TRIM5: variants seen among roughly 807,000 people sequenced by gnomAD.
The protein encoded by TRIM5 is tripartite motif containing 5, also known as tripartite motif-containing protein 5.
A neutral mutation model predicts 35.6 loss-of-function variants in TRIM5; 31 were observed. The observed-to-expected ratio is 0.87, with a 90% CI of 0.65 to 1.18. The LOEUF (loss-of-function observed/expected upper bound fraction) is 1.18, where lower values mean the gene tolerates loss of function less well. Ranked by LOEUF, TRIM5 falls within the 50% of genes most tolerant of loss-of-function variation. The pLI is 0.00. For missense variants in TRIM5, 609 were observed against 591.6 expected (o/e 1.03, Z -0.31); for synonymous variants, 243 against 215.6 (o/e 1.13, Z -1.11).
chr11:5,645,913 A>T, the TRIM5 span: 1 of 163,212 alleles, frequency 6.1e-6, no homozygotes, highest in African/African-American at 2.8e-5. Context: ...ATAGATATAT[A>T]TAGATATATA....
rs57512883 is a variant in TRIM5 at position 5,682,459 on chromosome 11, A to T, written c.-61-2221T>A. On this transcript the variant is annotated intron_variant, in intron 1 of 7. Transcript: ENST00000380034. ...TTGGTGCCCTAGTAGAGGCAAACAG[A>T]TGCTGTCACCAGGGAAGCCCTGATG... Among the ~76,000 whole-genome samples, 73 of 152,250 alleles carry T rather than the reference A, an allele frequency of 4.8e-4. No homozygotes were observed. The East Asian group carries it at 0.013, about 27-fold the overall frequency.
chr11:5,628,778 G>T, the TRIM5 span, among the ~76,000 whole-genome samples: 2 of 151,140 alleles, frequency 1.3e-5, no homozygotes, highest in Non-Finnish European at 2.9e-5. Context: ...GAGCCCAGAA[G>T]TCCAAAACCA....
chr11:5,648,114 T>C, the TRIM5 span, among the ~76,000 whole-genome samples: 1 of 152,200 alleles, frequency 6.6e-6, no homozygotes, highest in Non-Finnish European at 1.5e-5. Context: ...TACACATCTT[T>C]TCTCACAACA....
the TRIM5 span, chr11:5,634,524 C>T: frequency 2.8e-3 from 1,901 of 676,552 alleles, 48 homozygotes; most frequent in African/African-American, 0.04. Context: ...CACACACACA[C>T]ACACACATAT....
chr11:5,678,505 G>GTTTC, intron 3 of TRIM5, 71 bp from the exon 4 acceptor site: 1 of 1,313,052 alleles, frequency 7.6e-7, no homozygotes, highest in South Asian at 1.6e-5. Context: ...AAAAGGAGCT[G>GTTTC]TTTCTTTTGG....
intron 1 of TRIM5, among the ~76,000 whole-genome samples, chr11:5,682,021 A>C (rs1179614577): frequency 6.6e-6 from 1 of 151,544 alleles, no homozygotes; most frequent in Non-Finnish European, 1.5e-5. Flanking sequence ...CTGGTCTCCA[A>C]CTCCTGACCT....
intron 4 of TRIM5, among the ~76,000 whole-genome samples, chr11:5,677,279 A>C (rs1285603216): frequency 2.6e-5 from 4 of 152,170 alleles, no homozygotes; most frequent in East Asian, 1.9e-4. Flanking sequence ...CAACCCCATC[A>C]AAAAGTGGGC....
the TRIM5 span, chr11:5,643,155 C>CAAAATTAGGT: frequency 6.6e-7 from 1 of 1,517,260 alleles, no homozygotes; most frequent in African/African-American, 1.4e-5. Flanking sequence ...GGATGTCACA[C>CAAAATTAGGT]TGAATTCAGT....
At chr11:5,601,825 G>A in the TRIM5 span, among the ~76,000 whole-genome samples, 2 of 152,116 alleles carry the variant, frequency 1.3e-5, no homozygotes, top group Admixed American at 6.5e-5. Flanking sequence ...TTTCTGAGAA[G>A]GCGAGCATGT....
chr11:5,648,661 C>T, the TRIM5 span, among the ~76,000 whole-genome samples: 2 of 152,090 alleles, frequency 1.3e-5, no homozygotes, highest in Non-Finnish European at 2.9e-5. Context: ...GCAATCATTC[C>T]AGTAGAGTCA....
Position 5,684,853 on chromosome 11 carries a change from A to G in TRIM5, c.-62+15T>C, listed in dbSNP as rs530434009. 6.6e-6 allele frequency: 1 copy of G among 152,360 alleles called. No individual in the cohort carries two copies. Among genetic ancestry groups the G allele is most frequent in the South Asian group, 2.1e-4 (1 of 4,826 alleles). 9.4% of individuals were successfully genotyped at this position (152,360 alleles called of 1,614,324 possible). Reference sequence around the variant, plus strand: ...TCCCCACCCCCGCACAGCTTTTCAGATAAGTTAAACTCACCAAGGTAAATA... The same window carrying G: ...TCCCCACCCCCGCACAGCTTTTCAGGTAAGTTAAACTCACCAAGGTAAATA... On this transcript the variant is annotated intron_variant, in intron 1 of 7. Coordinates refer to ENST00000380034, the MANE Select transcript of TRIM5 (RefSeq NM_033034.3).
the TRIM5 span, among the ~76,000 whole-genome samples, chr11:5,636,893 TC>T: frequency 3.3e-5 from 5 of 152,216 alleles, no homozygotes; most frequent in African/African-American, 1.2e-4. Context: ...ACGCCTGTAA[TC>T]CCAGCACTTT....
rs1421603378 is a variant in TRIM5, at chr11:5,663,722, G to C, written c.*1087C>G. ...TATACATTGCGTAATAACCGAACCA[G>C]GGTAATTAGCATATCCATCACCTCA... On this transcript the variant is annotated 3_prime_UTR_variant, in exon 8 of 8. Transcript: ENST00000380034. 13 of 352,732 alleles carry C rather than the reference G, an allele frequency of 3.7e-5. No individual in the cohort carries two copies. The highest frequency in any genetic ancestry group is 4.4e-5 in the Non-Finnish European group (11 of 251,644). The allele number at this position is 352,732 out of a possible 1,614,324, so 21.9% of individuals were successfully genotyped here.
At chr11:5,673,645 A>G (rs1851730672) in intron 4 of TRIM5, among the ~76,000 whole-genome samples, 1 of 152,152 alleles carries the variant, frequency 6.6e-6, no homozygotes, top group African/African-American at 2.4e-5. Flanking sequence ...ATGCATATAA[A>G]ACATTTTCCT....
At chr11:5,642,454 G>A in the TRIM5 span, 1 of 1,613,952 alleles carries the variant, frequency 6.2e-7, no homozygotes, top group Non-Finnish European at 8.5e-7. Flanking sequence ...CCAAGAAACT[G>A]AAGACTGTAT....
At chr11:5,603,214 C>A in the TRIM5 span, 1 of 1,597,620 alleles carries the variant, frequency 6.3e-7, no homozygotes, top group South Asian at 1.1e-5. Flanking sequence ...CTTTCTTACC[C>A]TGATCCTTTT....
the TRIM5 span, chr11:5,642,796 C>T: frequency 3.1e-6 from 5 of 1,613,874 alleles, no homozygotes; most frequent in South Asian, 2.2e-5. Flanking sequence ...ATCAGCATCA[C>T]TGAATCTTTT....
At chr11:5,641,118 T>C in the TRIM5 span, 1 of 1,602,052 alleles carries the variant, frequency 6.2e-7, no homozygotes, top group Non-Finnish European at 8.5e-7. Flanking sequence ...TCATTAGTCT[T>C]ACACCAGTCT....
the TRIM5 span, chr11:5,634,569 C>A: frequency 6.4e-6 from 9 of 1,410,446 alleles, no homozygotes; most frequent in Admixed American, 2.3e-5. Flanking sequence ...GCTCCTAATC[C>A]CTTGCACAAT....
Sources: allele counts gnomAD v4.1 joint callset (sites outside exome capture counted in the v4.1 genomes callset), GRCh38; gene constraint gnomAD v4.1.1; transcripts MANE v1.5; gene names NCBI Gene and HGNC (gene_info 2026-07-23, HGNC 2026-07-21).